Variants in RNF216 observed in about 807,000 individuals in gnomAD.
The protein encoded by RNF216 is ring finger protein 216.
Under a neutral mutation model 110.8 loss-of-function variants are expected in RNF216, and 72 were observed. That is an observed-to-expected ratio of 0.65 (90% confidence interval 0.54 to 0.79). The LOEUF is 0.79. Ranked by LOEUF, RNF216 falls within the 30% of genes least tolerant of loss-of-function variation. The pLI is 0.00. For synonymous variants in RNF216, 495 were observed against 407.5 expected (o/e 1.21, Z -2.59); for missense variants, 1,342 against 1,141.2 (o/e 1.18, Z -2.54).
chr7:5,771,276 C>A (rs549448609), intron 1 of RNF216, among the ~76,000 whole-genome samples: 1 of 152,244 alleles, frequency 6.6e-6, no homozygotes, highest in Non-Finnish European at 1.5e-5. Context: ...GATAACTACA[C>A]ATTTAAACAG....
chr7:5,730,150 T>TC (rs1794003879), intron 6 of RNF216, among the ~76,000 whole-genome samples: 1 of 152,220 alleles, frequency 6.6e-6, no homozygotes, highest in Non-Finnish European at 1.5e-5. Flanking sequence ...CCACTCTGGG[T>TC]AATGACCTGC....
intron 3 of RNF216, among the ~76,000 whole-genome samples, chr7:5,746,028 G>A (rs1321386648): frequency 6.6e-6 from 1 of 152,164 alleles, no homozygotes; most frequent in East Asian, 1.9e-4. Flanking sequence ...TCCTTTGACA[G>A]GTCTGGCAAC....
intron 7 of RNF216, among the ~76,000 whole-genome samples, chr7:5,726,533 T>C (rs1304633945): frequency 6.6e-6 from 1 of 152,142 alleles, no homozygotes; most frequent in Non-Finnish European, 1.5e-5. Flanking sequence ...TCAGCTTCTC[T>C]CTGTTAGATT....
rs528083173 is a variant in RNF216 at position 5,624,688 on chromosome 7, C to G, written c.2383-563G>C. ...TGAGGATGGTCCCCCTCGGACCTTG[C>G]CGTCTCTTCTCCCAAACCCCATGCT... On this transcript the variant is annotated intron_variant, in intron 15 of 16. Transcript: ENST00000389902. This position sits in a 1 kb window ranked among gnomAD's most constrained non-coding sequence, Gnocchi z 4.4. 7.2e-5 allele frequency among the ~76,000 whole-genome samples: 11 copies of G among 152,350 alleles called. No individual in the cohort carries two copies. The highest frequency in any genetic ancestry group is 2.4e-4 in the African/African-American group (10 of 41,584).
chr7:5,632,960 C>A (rs1255751559), intron 15 of RNF216, among the ~76,000 whole-genome samples: 1 of 152,034 alleles, frequency 6.6e-6, no homozygotes, highest in Non-Finnish European at 1.5e-5. Context: ...GAGTCTCACC[C>A]ACCCAGCGGA....
intron 1 of RNF216, among the ~76,000 whole-genome samples, chr7:5,773,681 C>A (rs62455880): frequency 0.36 from 54,586 of 152,026 alleles, 10,411 homozygotes; most frequent in Admixed American, 0.45. Flanking sequence ...GATTCTCCTG[C>A]CTCAGCCTCC....
chr7:5,704,453 T>G (rs1792161178), intron 13 of RNF216, among the ~76,000 whole-genome samples: 1 of 152,216 alleles, frequency 6.6e-6, no homozygotes, highest in Non-Finnish European at 1.5e-5. Flanking sequence ...AAGGAGAATT[T>G]GCACAACTGA....
At chr7:5,681,685 T>C (rs1790661706) in intron 13 of RNF216, among the ~76,000 whole-genome samples, 1 of 152,198 alleles carries the variant, frequency 6.6e-6, no homozygotes, top group Non-Finnish European at 1.5e-5. Context: ...TCTGGTATGT[T>C]GGCCCAAGCC....
At position 5,763,100 on chromosome 7, in the gene RNF216, T is replaced by C. The variant is rs777496548; in HGVS notation, c.-69-1962A>G. The stretch of plus-strand genomic sequence containing the variant: ...GAAATATTTGGGAAATGGACTCATA[T>C]GAGAGTAATGGGGACAAAAAAAACA... On this transcript the variant is annotated intron_variant, in intron 1 of 16. Transcript: ENST00000389902. Among the ~76,000 whole-genome samples the C allele has an allele frequency of 2.0e-5, 3 of 152,198 alleles. No homozygotes were observed. The South Asian group carries it at 6.2e-4, about 32-fold the overall frequency.
intron 7 of RNF216, among the ~76,000 whole-genome samples, chr7:5,728,609 G>A (rs1376410877): frequency 1.3e-5 from 2 of 152,050 alleles, no homozygotes; most frequent in African/African-American, 4.8e-5. Flanking sequence ...AAAAGAAAAG[G>A]TGGAAGGGGC....
In RNF216 at chr7:5,739,604, A is replaced by G. The variant is rs1174317783; in HGVS notation, c.1045-252T>C. On this transcript the variant is annotated intron_variant, in intron 4 of 16. Coordinates refer to ENST00000389902, the MANE Select transcript of RNF216 (RefSeq NM_207111.4). ...TTACAGATCCATTCTTCATTGCTTC[A>G]ACAAATATTGAGCATCTCTGTCTAG... is the stretch of plus-strand genomic sequence containing the variant. The G allele has an allele frequency of 7.0e-6, 4 of 573,180 alleles. No homozygotes were observed. The Admixed American group carries it at 8.7e-5, about 13-fold the overall frequency. The allele number at this position is 573,180 out of a possible 1,614,324, so 35.5% of individuals were successfully genotyped here.
intron 15 of RNF216, among the ~76,000 whole-genome samples, chr7:5,629,791 C>T (rs1584337483): frequency 2.3e-5 from 3 of 132,248 alleles, no homozygotes; most frequent in East Asian, 2.6e-4. Flanking sequence ...GGTGCCACTG[C>T]ACTCCAGCCT....
At chr7:5,644,689 G>C (rs1019691720) in intron 14 of RNF216, among the ~76,000 whole-genome samples, 2 of 152,056 alleles carry the variant, frequency 1.3e-5, no homozygotes, top group Non-Finnish European at 2.9e-5. Flanking sequence ...ATTTTTTGTA[G>C]AGACTGGGTT....
chr7:5,691,789 A>C (rs1348528331), intron 13 of RNF216, among the ~76,000 whole-genome samples: 11 of 152,256 alleles, frequency 7.2e-5, no homozygotes, highest in Non-Finnish European at 5.9e-5. Flanking sequence ...AAACTACACC[A>C]ATATCTTTCA....
intron 13 of RNF216, among the ~76,000 whole-genome samples, chr7:5,655,722 T>G (rs117513234): frequency 6.8e-6 from 1 of 147,990 alleles, no homozygotes; most frequent in Non-Finnish European, 1.5e-5. Flanking sequence ...GAGCTCTCTC[T>G]GTGTAGTGTC....
intron 13 of RNF216, among the ~76,000 whole-genome samples, chr7:5,658,186 T>A (rs916524614): frequency 8.5e-5 from 13 of 152,136 alleles, no homozygotes; most frequent in African/African-American, 1.4e-4. Flanking sequence ...ATGCAACCAA[T>A]AAAGTGCTTC....
At chr7:5,660,111 C>T (rs150875683) in intron 13 of RNF216, among the ~76,000 whole-genome samples, 2 of 151,526 alleles carry the variant, frequency 1.3e-5, no homozygotes, top group South Asian at 2.1e-4. Flanking sequence ...CGTGCCACCA[C>T]AGCTAAATTT....
At chr7:5,776,472 G>A (rs1232331959) in intron 1 of RNF216, among the ~76,000 whole-genome samples, 2 of 151,118 alleles carry the variant, frequency 1.3e-5, no homozygotes, top group African/African-American at 2.4e-5. Context: ...GCGGGCGCCT[G>A]TAGTCCTAGC....
Position 5,739,480 on chromosome 7 carries a change from T to C in RNF216, c.1045-128A>G, listed in dbSNP as rs1377803220. The stretch of plus-strand genomic sequence containing the variant: ...AGAAAAGGGCTGTGAAGCAGGTCTG[T>C]GTGTGTCTTCAAATTCAACACTAGT... On this transcript the variant is annotated intron_variant, in intron 4 of 16. Coordinates refer to ENST00000389902, the MANE Select transcript of RNF216 (RefSeq NM_207111.4). 8.8e-6 allele frequency: 8 copies of C among 907,868 alleles called. 1 individual carries two copies. In the Admixed American group the frequency reaches 1.4e-4, roughly 16 times the overall value. The allele number at this position is 907,868 out of a possible 1,614,324, so 56.2% of individuals were successfully genotyped here.
Sources: gnomAD v4.1 joint callset for allele counts (sites outside exome capture counted in the v4.1 genomes callset) on GRCh38, gnomAD v4.1.1 for gene constraint, Gnocchi (gnomAD v3.1) non-coding constraint, MANE v1.5 for transcripts, NCBI Gene and HGNC (gene_info 2026-07-23, HGNC 2026-07-21) for gene names.